ASAP1: variants seen among roughly 807,000 people sequenced by gnomAD.
The protein encoded by ASAP1 is arf-GAP with SH3 domain, ANK repeat and PH domain-containing protein 1.
ASAP1 carries 43 observed loss-of-function variants against 145.2 expected under a neutral mutation model. The ratio of observed to expected loss-of-function variants is 0.30; its 90% CI spans 0.23 to 0.38. The LOEUF (loss-of-function observed/expected upper bound fraction) is 0.38, where lower values mean the gene tolerates loss of function less well. Among genes scored for constraint, ASAP1 ranks in the 10% least tolerant of loss-of-function variants. The probability of loss-of-function intolerance (pLI) is 1.00; values close to 1 mark genes in which losing one functional copy is unlikely to be tolerated. For missense variants in ASAP1, 1,018 were observed against 1,355.3 expected, an observed-to-expected ratio of 0.75 and a Z score of 3.91; for synonymous variants, 546 against 515.5, an observed-to-expected ratio of 1.06 and a Z score of -0.80.
At chr8:130,222,642 A>C (rs1289499444) in intron 4 of ASAP1, among the ~76,000 whole-genome samples, 1 of 152,252 alleles carries the variant, frequency 6.6e-6, no homozygotes, top group Non-Finnish European at 1.5e-5. Flanking sequence ...CAAAAAGGTG[A>C]ATAAGACAAG....
chr8:130,406,446 TG>T (rs1275494330), intron 1 of ASAP1, among the ~76,000 whole-genome samples: 5 of 152,082 alleles, frequency 3.3e-5, no homozygotes, highest in Admixed American at 3.3e-4. Context: ...GAATCTTTGA[TG>T]AGTTATTTAT....
intron 26 of ASAP1, among the ~76,000 whole-genome samples, chr8:130,078,362 A>G (rs1053356265): frequency 6.6e-6 from 1 of 152,002 alleles, no homozygotes; most frequent in Non-Finnish European, 1.5e-5. Context: ...AGGTGCGATC[A>G]TGACTCACTG....
intron 4 of ASAP1, among the ~76,000 whole-genome samples, chr8:130,224,915 G>A (rs1312329017): frequency 6.6e-6 from 1 of 152,220 alleles, no homozygotes; most frequent in Non-Finnish European, 1.5e-5. Flanking sequence ...TCTTTCCAGA[G>A]AAGCTGGTTA....
chr8:130,057,207 C>T (rs970533209), intron 29 of ASAP1, among the ~76,000 whole-genome samples: 1 of 152,146 alleles, frequency 6.6e-6, no homozygotes, highest in African/African-American at 2.4e-5. Context: ...CATTCTGATT[C>T]CCAGCCTGGG....
At chr8:130,221,375 C>G (rs1235172459) in intron 4 of ASAP1, among the ~76,000 whole-genome samples, 1 of 152,174 alleles carries the variant, frequency 6.6e-6, no homozygotes, top group Non-Finnish European at 1.5e-5. Context: ...TTTCCCCTAC[C>G]TCCTTTCTAG....
intron 15 of ASAP1, among the ~76,000 whole-genome samples, chr8:130,129,210 G>A (rs2097579662): frequency 6.6e-6 from 1 of 152,204 alleles, no homozygotes; most frequent in Non-Finnish European, 1.5e-5. Flanking sequence ...GGAACTGTGA[G>A]TCAATTAAAC....
intron 24 of ASAP1, among the ~76,000 whole-genome samples, chr8:130,100,845 C>G (rs748643512): frequency 6.6e-6 from 1 of 152,098 alleles, no homozygotes; most frequent in Admixed American, 6.6e-5. Context: ...AGTTTGATAT[C>G]GTCTGCTTTG....
intron 24 of ASAP1, among the ~76,000 whole-genome samples, chr8:130,103,262 T>C (rs1337402453): frequency 6.6e-6 from 1 of 152,112 alleles, no homozygotes; most frequent in Non-Finnish European, 1.5e-5. Context: ...GCCTCCTTTT[T>C]CATTTCTAAT....
chr8:130,188,186 GA>G lies in ASAP1; in HGVS notation c.406-4del. On this transcript the variant is annotated splice_polypyrimidine_tract_variant and splice_region_variant and intron_variant, in intron 5 of 29. Coordinates refer to ENST00000518721, the MANE Select transcript of ASAP1 (RefSeq NM_018482.4). The stretch of plus-strand genomic sequence containing the variant: ...ACATTGTGGCTCAAACCCTGGAGCT[GA>G]AAAAGCAAAGGGAAGATGGGAGATG... The G allele has an allele frequency of 6.2e-7, 1 of 1,612,738 alleles. No homozygotes were observed. The highest frequency in any genetic ancestry group is 8.5e-7 in the Non-Finnish European group (1 of 1,178,980).
At chr8:130,204,743 G>A (rs887188829) in intron 5 of ASAP1, among the ~76,000 whole-genome samples, 3 of 152,190 alleles carry the variant, frequency 2.0e-5, no homozygotes, top group African/African-American at 7.2e-5. Context: ...CTGTTGCTAA[G>A]CAGAACAGAT....
At chr8:130,443,228 G>A (rs920671646) in intron 1 of ASAP1, among the ~76,000 whole-genome samples, 4 of 151,498 alleles carry the variant, frequency 2.6e-5, no homozygotes, top group East Asian at 3.9e-4. Context: ...CCCCCCCACC[G>A]GGCGGCCTCG....
At chr8:130,225,027 CAT>C (rs1463702096) in intron 4 of ASAP1, among the ~76,000 whole-genome samples, 1 of 152,198 alleles carries the variant, frequency 6.6e-6, no homozygotes. Flanking sequence ...ATTCTGGCCA[CAT>C]GTGTATAAAA....
At chr8:130,343,781 C>CT (rs1479666517) in intron 3 of ASAP1, among the ~76,000 whole-genome samples, 2 of 152,108 alleles carry the variant, frequency 1.3e-5, no homozygotes, top group African/African-American at 4.8e-5. Context: ...TTGGGAGCAA[C>CT]TTAAGGGAGG....
chr8:130,390,944 C>CG (rs1298356251), intron 2 of ASAP1, among the ~76,000 whole-genome samples: 11 of 148,730 alleles, frequency 7.4e-5, no homozygotes, highest in Non-Finnish European at 1.0e-4. Flanking sequence ...CCCCCGCCCC[C>CG]CCAAAATTGA....
Position 130,152,769 on chromosome 8 carries a change from G to C in ASAP1, c.1047C>G (p.Val349=). ...RKVWQRRKCS[V]KNGILTISHA... is the part of the protein sequence containing the mutation. ...GTGAGATGGTCAGAATCCCATTCTT[G>C]ACTGAACACTTCCTCCTCTGCCATA... is the stretch of plus-strand genomic sequence containing the variant. The change falls in exon 13 of 30, where the codon GTC becomes GTG. Residue 349 remains valine (V), a synonymous_variant. Transcript: ENST00000518721. 1 of 1,611,340 alleles carries C rather than the reference G, an allele frequency of 6.2e-7. No homozygotes were observed. Among genetic ancestry groups the C allele is most frequent in the Non-Finnish European group, 8.5e-7 (1 of 1,178,092 alleles).
chr8:130,083,455 G>C (rs2097485906), intron 25 of ASAP1: 1 of 152,166 alleles, frequency 6.6e-6, no homozygotes, highest in African/African-American at 2.4e-5. Context: ...TTAATTAGGG[G>C]TGCAGATTTT....
At chr8:130,381,993 T>G (rs976954623) in intron 2 of ASAP1, among the ~76,000 whole-genome samples, 1 of 152,084 alleles carries the variant, frequency 6.6e-6, no homozygotes, top group Non-Finnish European at 1.5e-5. Context: ...CCATCAGAAA[T>G]TACCTTGTTC....
At chr8:130,318,590 A>C (rs1006884930) in intron 3 of ASAP1, among the ~76,000 whole-genome samples, 18 of 152,206 alleles carry the variant, frequency 1.2e-4, no homozygotes, top group Admixed American at 9.2e-4. Context: ...TAAAACATTT[A>C]CTGTTCACTC....
rs543006205 is a variant in ASAP1 at position 130,131,558 on chromosome 8, G to C, written c.1217+2738C>G. Among the ~76,000 whole-genome samples the C allele has an allele frequency of 6.9e-5, 9 of 129,664 alleles. No individual in the cohort carries two copies. The East Asian group carries it at 7.7e-4, about 11-fold the overall frequency. The allele number at this position is 129,664 out of a possible 152,430, so 85.1% of individuals were successfully genotyped here. A position where few individuals can be genotyped will look rare whatever the true frequency, so the allele number is the denominator to read the frequency against. ...GTGGGAGGATGGCTTGAGCTCAGGA[G>C]TTTGAGGCCAGCCTGGGTAACAACA... is the stretch of plus-strand genomic sequence containing the variant. On this transcript the variant is annotated intron_variant, in intron 15 of 29. Coordinates refer to ENST00000518721, the MANE Select transcript of ASAP1 (RefSeq NM_018482.4).
Sources: allele counts gnomAD v4.1 joint callset (sites outside exome capture counted in the v4.1 genomes callset), GRCh38; gene constraint gnomAD v4.1.1; transcripts MANE v1.5; gene names NCBI Gene and HGNC (gene_info 2026-07-23, HGNC 2026-07-21).